Variants in KIF1B observed in about 807,000 individuals in gnomAD.
KIF1B encodes kinesin family member 1B.
KIF1B carries 76 observed loss-of-function variants against 241.9 expected under a neutral mutation model. The observed-to-expected ratio is 0.31, with a 90% CI of 0.26 to 0.38. The LOEUF (loss-of-function observed/expected upper bound fraction) is 0.38. Ranked by LOEUF, KIF1B falls within the 10% of genes least tolerant of loss-of-function variation. KIF1B has a pLI of 1.00. For missense variants in KIF1B, 1,622 were observed against 2,271.4 expected (o/e 0.71, Z 5.81); for synonymous variants, 750 against 796.7 (o/e 0.94, Z 0.99).
rs56349613 is a variant in KIF1B at position 10,273,709 on chromosome 1, C to CAAA, written c.882+706_882+708dup. Among the ~76,000 whole-genome samples, 60 of 49,568 alleles carry CAAA rather than the reference C, an allele frequency of 1.2e-3. 1 individual carries two copies. The highest frequency in any genetic ancestry group is 3.0e-3 in the African/African-American group (38 of 12,662). 32.5% of individuals were successfully genotyped at this position (49,568 alleles called of 152,430 possible). ...GCCTACTCCCTTTCCTCCTCCTCCT[C>CAAA]AAAAAAAAAAAAAAAAAAAAAAAAA... On this transcript the variant is annotated intron_variant, in intron 10 of 48. Transcript: ENST00000676179.
rs1638960201 is a variant in KIF1B, at chr1:10,379,103, A to C, written c.*2516A>C. The C allele has an allele frequency of 4.3e-6, 1 of 231,722 alleles. No individual in the cohort carries two copies. The highest frequency in any genetic ancestry group is 8.6e-6 in the Non-Finnish European group (1 of 116,908). The allele number at this position is 231,722 out of a possible 1,614,324, so 14.4% of individuals were successfully genotyped here. On this transcript the variant is annotated 3_prime_UTR_variant, in exon 49 of 49. Transcript: ENST00000676179. Reference sequence around the variant, plus strand: ...TTCAGGGAAATGAAGATGGAATTTGAAGGTCACTTTTAAAATTAAGTCATT... The same window carrying C: ...TTCAGGGAAATGAAGATGGAATTTGCAGGTCACTTTTAAAATTAAGTCATT...
chr1:10,303,373 G>T lies in KIF1B; in HGVS notation c.2115+6127G>T. On this transcript the variant is annotated intron_variant, in intron 22 of 48. Transcript: ENST00000676179. This position sits in a 1 kb window ranked among gnomAD's most constrained non-coding sequence, Gnocchi z 5.2. ...GCGCTTGAGTAAAGATTCCAAGTGG[G>T]TCACAATCTCAGATCTTAAAATTCA... is the stretch of plus-strand genomic sequence containing the variant. The T allele has an allele frequency of 1.9e-6, 3 of 1,614,190 alleles. No individual in the cohort carries two copies. The highest frequency in any genetic ancestry group is 2.5e-6 in the Non-Finnish European group (3 of 1,180,040).
intron 15 of KIF1B, among the ~76,000 whole-genome samples, chr1:10,285,305 G>A (rs1649632407): frequency 6.6e-6 from 1 of 152,144 alleles, no homozygotes; most frequent in Non-Finnish European, 1.5e-5. Context: ...CCTTCCTCTT[G>A]ATGTAAAGGA....
chr1:10,226,132 A>G (rs1321505743), intron 1 of KIF1B, among the ~76,000 whole-genome samples: 1 of 152,222 alleles, frequency 6.6e-6, no homozygotes, highest in African/African-American at 2.4e-5. Context: ...TGGTGGTGGT[A>G]GAAATGGAGA....
chr1:10,326,493 C>G lies in KIF1B; in HGVS notation c.2924+134C>G. The G allele has an allele frequency of 8.6e-7, 1 of 1,166,712 alleles. No individual in the cohort carries two copies. Among genetic ancestry groups the G allele is most frequent in the Non-Finnish European group, 1.3e-6 (1 of 793,356 alleles). 72.3% of individuals were successfully genotyped at this position (1,166,712 alleles called of 1,614,324 possible). On this transcript the variant is annotated intron_variant, in intron 27 of 48. Coordinates refer to ENST00000676179, the MANE Select transcript of KIF1B (RefSeq NM_001365951.3). The surrounding 1 kb of genome is among the most constrained non-coding windows in gnomAD (Gnocchi z 5.2). ...ATGCTCTTTTTCAAGTTCTCCAATA[C>G]TTCAAGCTCTTAGTCAGTGCTGGTC...
chr1:10,257,907 C>T (rs995749420), intron 3 of KIF1B, among the ~76,000 whole-genome samples: 26 of 152,250 alleles, frequency 1.7e-4, no homozygotes, highest in African/African-American at 4.1e-4. Flanking sequence ...GAATTCCTAT[C>T]CTCAAGTGAT....
At chr1:10,229,858 A>C (rs1396142413) in intron 1 of KIF1B, among the ~76,000 whole-genome samples, 1 of 112,030 alleles carries the variant, frequency 8.9e-6, no homozygotes, top group Admixed American at 1.1e-4. Flanking sequence ...ATGGAGTGAG[A>C]CTCCGTCTCA....
At chr1:10,242,685 T>A (rs895892569) in intron 2 of KIF1B, among the ~76,000 whole-genome samples, 3 of 151,970 alleles carry the variant, frequency 2.0e-5, no homozygotes, top group African/African-American at 7.3e-5. Flanking sequence ...CCCAGCTAAT[T>A]TTTGTATTTT....
chr1:10,262,028 A>T, intron 5 of KIF1B, 58 bp downstream of exon 5: 1 of 1,146,628 alleles, frequency 8.7e-7, no homozygotes, highest in Non-Finnish European at 1.3e-6. Flanking sequence ...CTCAAGCATC[A>T]CTTAAATGGC....
At chr1:10,364,475 A>G (rs2102348953) in intron 41 of KIF1B, among the ~76,000 whole-genome samples, 1 of 149,544 alleles carries the variant, frequency 6.7e-6, no homozygotes, top group East Asian at 2.0e-4. Context: ...AAGTGCTGGG[A>G]TTACAGGCGT....
chr1:10,291,972 A>G, intron 16 of KIF1B, 75 bp from the exon 17 acceptor site: 1 of 1,307,020 alleles, frequency 7.7e-7, no homozygotes, highest in Non-Finnish European at 1.1e-6. Context: ...TGCAGGCTTT[A>G]TTTTCCAATT....
At chr1:10,258,767 G>A (rs1199792474) in intron 4 of KIF1B, 95 bp downstream of exon 4, 5 of 1,256,994 alleles carry the variant, frequency 4.0e-6, no homozygotes, top group African/African-American at 3.0e-5. Flanking sequence ...ACATTTATGC[G>A]GGGATTGTTT....
chr1:10,365,792 TC>T lies in KIF1B; in HGVS notation c.4752+146del. 1.7e-6 allele frequency: 2 copies of T among 1,211,772 alleles called. No individual in the cohort carries two copies. The highest frequency in any genetic ancestry group is 1.3e-5 in the South Asian group (1 of 78,170). 75.1% of individuals were successfully genotyped at this position (1,211,772 alleles called of 1,614,324 possible). ...GAATGTAGAAATAAAAAGACGCAGT[TC>T]CTACCCTCAACAAGCTTACAGGGCC... On this transcript the variant is annotated intron_variant, in intron 43 of 48. Transcript: ENST00000676179. This position sits in a 1 kb window ranked among gnomAD's most constrained non-coding sequence, Gnocchi z 4.0.
chr1:10,267,375 C>T lies in KIF1B; in HGVS notation c.430-5C>T, dbSNP rs372491552. 3.1e-6 allele frequency: 5 copies of T among 1,613,376 alleles called. No homozygotes were observed. The African/African-American group carries it at 5.3e-5, about 17-fold the overall frequency. On this transcript the variant is annotated splice_polypyrimidine_tract_variant and splice_region_variant and intron_variant, in intron 5 of 48. Coordinates refer to ENST00000676179, the MANE Select transcript of KIF1B (RefSeq NM_001365951.3). ...CTCTAATTCACTTTACTAATTTGTT[C>T]ATAGGTGAGCTACATGGAAATTTAC...
chr1:10,262,053 G>A, intron 5 of KIF1B, 83 bp downstream of exon 5: 1 of 912,040 alleles, frequency 1.1e-6, no homozygotes, highest in Non-Finnish European at 1.8e-6. Flanking sequence ...AATTATGACT[G>A]TGGTACACAT....
chr1:10,295,623 C>A, intron 18 of KIF1B, 37 bp from the exon 19 acceptor site: 1 of 1,575,170 alleles, frequency 6.3e-7, no homozygotes, highest in South Asian at 1.1e-5. Context: ...CTTTCTGTGT[C>A]TGAATTTCCC....
chr1:10,224,318 A>G (rs1365566352), intron 1 of KIF1B, among the ~76,000 whole-genome samples: 1 of 151,998 alleles, frequency 6.6e-6, no homozygotes, highest in Non-Finnish European at 1.5e-5. Flanking sequence ...GGGTTTCACC[A>G]TGTTAGCCAG....
At position 10,337,551 on chromosome 1, in the gene KIF1B, T is replaced by C. The variant is rs1652225664; in HGVS notation, c.3422+18T>C. ...CAGTTCAAGTAAGCTGCCCCTTTGC[T>C]CTGCCTCCCAGCTAGCTGCTAACCG... On this transcript the variant is annotated intron_variant, in intron 31 of 48. Transcript: ENST00000676179. This position sits in a 1 kb window ranked among gnomAD's most constrained non-coding sequence, Gnocchi z 4.0. The C allele has an allele frequency of 7.4e-6, 12 of 1,614,180 alleles. No individual in the cohort carries two copies. The highest frequency in any genetic ancestry group is 1.0e-5 in the Non-Finnish European group (12 of 1,179,992).
chr1:10,314,986 T>C (rs1350148033), intron 22 of KIF1B, among the ~76,000 whole-genome samples: 1 of 151,100 alleles, frequency 6.6e-6, no homozygotes, highest in Non-Finnish European at 1.5e-5. Flanking sequence ...TTCCATGTAA[T>C]GTATAGTTTT....
Sources: allele counts gnomAD v4.1 joint callset (sites outside exome capture counted in the v4.1 genomes callset), GRCh38; gene constraint gnomAD v4.1.1; non-coding constraint Gnocchi (gnomAD v3.1); transcripts MANE v1.5; gene names NCBI Gene and HGNC (gene_info 2026-07-23, HGNC 2026-07-21).